CPT1B: variants seen among roughly 807,000 people sequenced by gnomAD.
CPT1B encodes the protein carnitine palmitoyltransferase 1B.
Under a neutral mutation model 92.7 loss-of-function variants are expected in CPT1B, and 57 were observed. The observed-to-expected ratio is 0.62, with a 90% confidence interval of 0.50 to 0.77. The LOEUF (loss-of-function observed/expected upper bound fraction) is 0.77, where lower values mean the gene tolerates loss of function less well. Among genes scored for constraint, CPT1B ranks in the 30% least tolerant of loss-of-function variants. The pLI is 0.00. For missense variants in CPT1B, 983 were observed against 1,017.4 expected, an observed-to-expected ratio of 0.97 and a Z score of 0.46; for synonymous variants, 398 against 383.5, an observed-to-expected ratio of 1.04 and a Z score of -0.44.
intron 17 of CPT1B, 37 bp downstream of exon 17, chr22:50,570,256 C>T: frequency 6.8e-6 from 10 of 1,472,134 alleles, no homozygotes; most frequent in Non-Finnish European, 9.2e-6. Flanking sequence ...CCTCAGGGCC[C>T]TGGTGCTGCC....
At chr22:50,570,752 G>T in intron 16 of CPT1B, 139 bp downstream of exon 16, 1 of 1,145,350 alleles carries the variant, frequency 8.7e-7, no homozygotes, top group Non-Finnish European at 1.2e-6. Flanking sequence ...TGGGGTGTGG[G>T]CGGGAAAGCT....
In CPT1B at chr22:50,570,381, G is replaced by C. The variant is rs1237142956; in HGVS notation, c.2054C>G (p.Ser685Cys). The stretch of plus-strand genomic sequence containing the variant: ...CTGGGATTGGGGGATCTGGCTGGTG[G>C]AGAGACGCCAGGGTTCCGAGAGCAC... Reference protein sequence around the residue: ...AEVLSEPWRLSTSQIPQSQIR... With the variant: ...AEVLSEPWRLCTSQIPQSQIR... The change falls in exon 17 of 20, where the codon TCC (serine) becomes TGC (cysteine). Residue 685 changes from serine to cysteine, a missense_variant. Physicochemically the swap from Ser to Cys is moderately radical, Grantham distance 112 (BLOSUM62 -1). Transcript: ENST00000312108. 1 of 1,606,150 alleles carries C rather than the reference G, an allele frequency of 6.2e-7. No individual in the cohort carries two copies. Among genetic ancestry groups the C allele is most frequent in the Non-Finnish European group, 8.5e-7 (1 of 1,175,196 alleles).
intron 1 of CPT1B, 138 bp from the exon 2 acceptor site, chr22:50,578,072 C>T (rs568988173): frequency 5.0e-6 from 2 of 400,316 alleles, no homozygotes; most frequent in East Asian, 9.0e-5. Context: ...CCGCGCCCCC[C>T]GCCAGGCCAA....
chr22:50,574,217 T>C (rs1052843416), intron 9 of CPT1B, 118 bp downstream of exon 9: 24 of 785,432 alleles, frequency 3.1e-5, no homozygotes, highest in Non-Finnish European at 4.6e-5. Context: ...TCTGTCACAA[T>C]TGACTACTGT....
At chr22:50,578,022 C>T in intron 1 of CPT1B, 88 bp from the exon 2 acceptor site, 1 of 872,942 alleles carries the variant, frequency 1.1e-6, no homozygotes, top group South Asian at 5.4e-5. Context: ...GTCCGCGACC[C>T]CTCGCGCCCC....
At position 50,577,942 on chromosome 22, in the gene CPT1B, G is replaced by C; in HGVS notation, c.-19-8C>G. ...CTGGGGGTTGGTCGGCACCTAGGACGGGGGCAGATGGGTGCGCGGGCGCGC... is the reference window on the plus strand; with the variant it reads ...CTGGGGGTTGGTCGGCACCTAGGACCGGGGCAGATGGGTGCGCGGGCGCGC... On this transcript the variant is annotated splice_region_variant and splice_polypyrimidine_tract_variant and intron_variant, in intron 1 of 19. Coordinates refer to ENST00000312108, the MANE Select transcript of CPT1B (RefSeq NM_152246.3). 1.3e-6 allele frequency: 2 copies of C among 1,593,098 alleles called. No homozygotes were observed. Among genetic ancestry groups the C allele is most frequent in the Non-Finnish European group, 1.7e-6 (2 of 1,166,614 alleles).
In CPT1B at chr22:50,573,611, C is replaced by A; in HGVS notation, c.1075G>T (p.Asp359Tyr). Residue 359 changes from aspartate (D) to tyrosine (Y), a missense_variant, in exon 10 of 20, where the codon GAT becomes TAT. By Grantham distance (160) the Asp-to-Tyr change is radical (BLOSUM62 -3). Coordinates refer to ENST00000312108, the MANE Select transcript of CPT1B (RefSeq NM_152246.3). This position sits in a 1 kb window ranked among gnomAD's most constrained non-coding sequence, Gnocchi z 5.0. The stretch of plus-strand genomic sequence containing the variant: ...ATCCTCTGGAACTGCATCTCCAGAT[C>A]CTGAGGCTTGAGCAGACGGGCGCCC... Reference protein sequence around the residue: ...YEGARLLKPQDLEMQFQRILD... With the variant: ...YEGARLLKPQYLEMQFQRILD... 1 of 1,613,636 alleles carries A rather than the reference C, an allele frequency of 6.2e-7. No individual in the cohort carries two copies. Among genetic ancestry groups the A allele is most frequent in the Non-Finnish European group, 8.5e-7 (1 of 1,179,994 alleles).
chr22:50,570,732 C>A (rs1212137340), intron 16 of CPT1B, among the ~76,000 whole-genome samples, 159 bp downstream of exon 16: 1 of 152,244 alleles, frequency 6.6e-6, no homozygotes, highest in East Asian at 1.9e-4. Context: ...CCCAGGACCA[C>A]AGGCCCAGGT....
At position 50,576,018 on chromosome 22, in the gene CPT1B, G is replaced by C. The variant is rs2070412674; in HGVS notation, c.777+17C>G. 1 of 1,613,048 alleles carries C rather than the reference G, an allele frequency of 6.2e-7. No individual in the cohort carries two copies. The highest frequency in any genetic ancestry group is 2.2e-5 in the East Asian group (1 of 44,890). ...AGAGCTGAGCACGTGCGGGGACCTG[G>C]GGGCTCTAGTTCATACCATGACATA... On this transcript the variant is annotated intron_variant, in intron 7 of 19. Coordinates refer to ENST00000312108, the MANE Select transcript of CPT1B (RefSeq NM_152246.3).
rs1395012481 is a variant in CPT1B, at chr22:50,574,390, G to A, written c.915C>T (p.Cys305=). The part of the protein sequence containing the change: ...PVMALGIVPM[C]SYQMERMFNT... ...TGAACATCCTCTCCATCTGGTAGGA[G>A]CACATAGGCACTATGCCCAGTGCCA... Residue 305 remains cysteine, a synonymous_variant, in exon 9 of 20, where the codon TGC becomes TGT. Coordinates refer to ENST00000312108, the MANE Select transcript of CPT1B (RefSeq NM_152246.3). The A allele has an allele frequency of 1.2e-6, 2 of 1,614,084 alleles. No individual in the cohort carries two copies. Among genetic ancestry groups the A allele is most frequent in the East Asian group, 2.2e-5 (1 of 44,878 alleles).
At chr22:50,571,631 G>C in intron 13 of CPT1B, 92 bp from the exon 14 acceptor site, 2 of 1,409,166 alleles carry the variant, frequency 1.4e-6, no homozygotes, top group Middle Eastern at 4.2e-4. Context: ...AGCTGGTGGA[G>C]AAAGGGCACA....
Position 50,577,451 on chromosome 22 carries a change from T to G in CPT1B, c.154A>C (p.Arg52=). The change falls in exon 3 of 20, where the codon AGG becomes CGG. Residue 52 remains arginine, a synonymous_variant. Coordinates refer to ENST00000312108, the MANE Select transcript of CPT1B (RefSeq NM_152246.3). ...GTGGGGCTGCCAGGGTACACGCCCC[T>G]GAGGATGCCATTCTGTGGGCAGAAA... ...RLIRIKNGIL[R]GVYPGSPTSW... is the part of the protein sequence containing the mutation. 2 of 1,613,574 alleles carry G rather than the reference T, an allele frequency of 1.2e-6. No homozygotes were observed. Among genetic ancestry groups the G allele is most frequent in the Non-Finnish European group, 1.7e-6 (2 of 1,179,914 alleles).
In CPT1B at chr22:50,569,415, G is replaced by C. The variant is rs2070046306; in HGVS notation, c.2242C>G (p.Gln748Glu). 1.2e-6 allele frequency: 2 copies of C among 1,613,988 alleles called. No individual in the cohort carries two copies. The highest frequency in any genetic ancestry group is 2.7e-5 in the African/African-American group (2 of 74,908). The change falls in exon 19 of 20, where the codon CAG (glutamine) becomes GAG (glutamate). Residue 748 changes from glutamine (Q) to glutamate (E), a missense_variant. Coordinates refer to ENST00000312108, the MANE Select transcript of CPT1B (RefSeq NM_152246.3). ...SKFSSSETNAQRFGNHIRKAL... is the reference protein window; with the variant it reads ...SKFSSSETNAERFGNHIRKAL... The stretch of plus-strand genomic sequence containing the variant: ...TTGCGGATGTGGTTTCCAAAGCGCT[G>C]GGCGTTCTGTGGGAGCCAAGAGTTC...
chr22:50,573,715 T>C lies in CPT1B; in HGVS notation c.971A>G (p.Asp324Gly). ...NTTRIPGKDT[D>G]VLQHLSDSRH... ...GCTGTCTGAGAGGTGCTGTAGCACA[T>C]CTGTGATACAGGCCACGGGCAAGCT... Residue 324 changes from aspartate (D) to glycine (G), a missense_variant and splice_region_variant, in exon 10 of 20, where the codon GAT becomes GGT. Physicochemically the swap from Asp to Gly is moderately conservative, Grantham distance 94 (BLOSUM62 -1). Transcript: ENST00000312108. The surrounding 1 kb of genome is among the most constrained non-coding windows in gnomAD (Gnocchi z 5.0). 2 of 1,611,466 alleles carry C rather than the reference T, an allele frequency of 1.2e-6. No individual in the cohort carries two copies. The highest frequency in any genetic ancestry group is 1.7e-6 in the Non-Finnish European group (2 of 1,179,078).
intron 2 of CPT1B, 65 bp downstream of exon 2, chr22:50,577,710 A>T: frequency 5.7e-6 from 9 of 1,591,460 alleles, no homozygotes; most frequent in Non-Finnish European, 7.7e-6. Flanking sequence ...GAGGGACCCT[A>T]ACAAAGCGCT....
At chr22:50,577,079 G>C (rs2146640616) in intron 3 of CPT1B, 45 bp from the exon 4 acceptor site, 1 of 1,600,740 alleles carries the variant, frequency 6.2e-7, no homozygotes, top group Non-Finnish European at 8.5e-7. Context: ...CTTGAGGCCA[G>C]CCTCGGGTGG....
chr22:50,576,371 G>A (rs776705751), intron 5 of CPT1B, 36 bp from the exon 6 acceptor site: 1 of 1,613,552 alleles, frequency 6.2e-7, no homozygotes. Flanking sequence ...GGGGCCAGAT[G>A]GCAAGGGCTG....
At position 50,573,445 on chromosome 22, in the gene CPT1B, CAGGCAGGGCCA is replaced by C; in HGVS notation, c.1166+64_1166+74del. On this transcript the variant is annotated intron_variant, in intron 10 of 19. Transcript: ENST00000312108. The surrounding 1 kb of genome is among the most constrained non-coding windows in gnomAD (Gnocchi z 5.0). ...CCTCCAGCCTCCAGTTCCAGGGTGG[CAGGCAGGGCCA>C]CGCTCCTCTCCTCACGGAGCCCTGA... 3 of 1,345,948 alleles carry C rather than the reference CAGGCAGGGCCA, an allele frequency of 2.2e-6. No homozygotes were observed. Among genetic ancestry groups the C allele is most frequent in the Non-Finnish European group, 1.0e-6 (1 of 985,492 alleles). The allele number at this position is 1,345,948 out of a possible 1,614,324, so 83.4% of individuals were successfully genotyped here.
chr22:50,575,773 G>A (rs2070401080), intron 7 of CPT1B, among the ~76,000 whole-genome samples: 1 of 152,206 alleles, frequency 6.6e-6, no homozygotes, highest in Non-Finnish European at 1.5e-5. Flanking sequence ...CTGGGCAGGG[G>A]CAGTGACCCC....
Sources: allele counts gnomAD v4.1 joint callset (sites outside exome capture counted in the v4.1 genomes callset), GRCh38; gene constraint gnomAD v4.1.1; non-coding constraint Gnocchi (gnomAD v3.1); transcripts MANE v1.5; gene names NCBI Gene and HGNC (gene_info 2026-07-23, HGNC 2026-07-21).